Variants in ZCCHC24 observed in about 807,000 individuals in gnomAD.
ZCCHC24 encodes zinc finger CCHC domain-containing protein 24.
Under a neutral mutation model 26.2 loss-of-function variants are expected in ZCCHC24, and 10 were observed. The observed-to-expected ratio is 0.38, with a 90% CI of 0.24 to 0.65. ZCCHC24 has a LOEUF of 0.65. Ranked by LOEUF, ZCCHC24 falls within the 30% of genes least tolerant of loss-of-function variation. ZCCHC24 has a pLI of 0.54. For synonymous variants in ZCCHC24, 144 were observed against 147.1 expected (o/e 0.98, Z 0.15); for missense variants, 243 against 329.1 (o/e 0.74, Z 2.03).
intron 2 of ZCCHC24, 74 bp from the exon 3 acceptor site, chr10:79,394,514 C>T (rs767568169): frequency 1.5e-5 from 23 of 1,560,612 alleles, no homozygotes; most frequent in Non-Finnish European, 2.0e-5. Context: ...TTCCCCTGGC[C>T]TCCGCCTCAG....
chr10:79,434,919 T>A lies in ZCCHC24; in HGVS notation c.247-2161A>T, dbSNP rs138595217. On this transcript the variant is annotated intron_variant, in intron 1 of 3. Coordinates refer to ENST00000372336, the MANE Select transcript of ZCCHC24 (RefSeq NM_153367.4). ...CCGCCTACTGCAGCCCAATCTGTATTTTTCAAGCTCCCCCAGGCAATTCAG... is the reference window on the plus strand; with the variant it reads ...CCGCCTACTGCAGCCCAATCTGTATATTTCAAGCTCCCCCAGGCAATTCAG... Among the ~76,000 whole-genome samples, 11 of 152,206 alleles carry A rather than the reference T, an allele frequency of 7.2e-5. No individual in the cohort carries two copies. In the East Asian group the frequency reaches 2.1e-3, roughly 29 times the overall value.
chr10:79,387,965 A>G (rs974066811), intron 3 of ZCCHC24, among the ~76,000 whole-genome samples: 15 of 152,156 alleles, frequency 9.9e-5, no homozygotes, highest in African/African-American at 2.7e-4. Context: ...AGGCACGTCA[A>G]CCACATCACA....
intron 1 of ZCCHC24, among the ~76,000 whole-genome samples, chr10:79,441,551 G>A (rs1033671026): frequency 1.3e-5 from 2 of 152,060 alleles, no homozygotes; most frequent in Non-Finnish European, 2.9e-5. Context: ...ACACTGACAG[G>A]TGTCCTGAGC....
intron 2 of ZCCHC24, among the ~76,000 whole-genome samples, chr10:79,394,824 A>G (rs1354281701): frequency 6.6e-6 from 1 of 152,236 alleles, no homozygotes; most frequent in Non-Finnish European, 1.5e-5. Flanking sequence ...TTAAAGGGTC[A>G]TTGAAGAGGC....
rs773786492 is a variant in ZCCHC24, at chr10:79,432,618, T to C, written c.387A>G (p.Pro129=). The C allele has an allele frequency of 9.9e-6, 16 of 1,608,182 alleles. No individual in the cohort carries two copies. The South Asian group carries it at 1.8e-4, about 18-fold the overall frequency. The change falls in exon 2 of 4, where the codon CCA becomes CCG. Residue 129 remains proline, a synonymous_variant. Coordinates refer to ENST00000372336, the MANE Select transcript of ZCCHC24 (RefSeq NM_153367.4). The part of the protein sequence containing the change: ...SEARKPSKRP[P]PNYLCHLCFN... ...AGCACAGGTGGCACAGGTAGTTGGG[T>C]GGGGGCCGCTTGCTGGGCTTGCGAG...
chr10:79,394,207 T>C, intron 3 of ZCCHC24, 69 bp downstream of exon 3: 1 of 1,560,350 alleles, frequency 6.4e-7, no homozygotes, highest in Non-Finnish European at 8.7e-7. Flanking sequence ...GGGAGTAAAC[T>C]GAGGTCCGGT....
chr10:79,394,919 A>G (rs990956786), intron 2 of ZCCHC24, among the ~76,000 whole-genome samples: 6 of 152,172 alleles, frequency 3.9e-5, no homozygotes, highest in Non-Finnish European at 8.8e-5. Context: ...GAGGCAATCT[A>G]AATTCCCTCA....
Position 79,383,871 on chromosome 10 carries a change from A to C in ZCCHC24, c.*2474T>G, listed in dbSNP as rs1481856117. 6.5e-6 allele frequency: 1 copy of C among 152,744 alleles called. No individual in the cohort carries two copies. The highest frequency in any genetic ancestry group is 1.5e-5 in the Non-Finnish European group (1 of 68,040). 9.5% of individuals were successfully genotyped at this position (152,744 alleles called of 1,614,324 possible). A position where few individuals can be genotyped will look rare whatever the true frequency, so the allele number is the denominator to read the frequency against. On this transcript the variant is annotated 3_prime_UTR_variant, in exon 4 of 4. Transcript: ENST00000372336. ...CAAGTAGAACTATTGAATACTTCAT[A>C]TGGGGTAAACACCATTATCTCCCAA...
At position 79,445,461 on chromosome 10, in the gene ZCCHC24, C is replaced by T. The variant is rs1309967631; in HGVS notation, c.-21G>A. ...CTCATTTTGTGGCGGCGGTGCCGGC[C>T]CCTCCCCGGCCGCCCGCTCGCGGCC... is the stretch of plus-strand genomic sequence containing the variant. On this transcript the variant is annotated 5_prime_UTR_variant, in exon 1 of 4. Transcript: ENST00000372336. 2.2e-6 allele frequency: 3 copies of T among 1,372,208 alleles called. No homozygotes were observed. The highest frequency in any genetic ancestry group is 2.8e-6 in the Non-Finnish European group (3 of 1,054,316). The allele number at this position is 1,372,208 out of a possible 1,614,324, so 85.0% of individuals were successfully genotyped here.
At chr10:79,445,026 C>A (rs1201622000) in intron 1 of ZCCHC24, among the ~76,000 whole-genome samples, 169 bp downstream of exon 1, 6 of 152,170 alleles carry the variant, frequency 3.9e-5, no homozygotes, top group African/African-American at 1.4e-4. Context: ...ACCCCGGGGA[C>A]TTCGGGCGGC....
chr10:79,417,811 T>C (rs72820309), intron 2 of ZCCHC24, among the ~76,000 whole-genome samples: 11,317 of 152,200 alleles, frequency 0.074, 482 homozygotes, highest in East Asian at 0.17. Context: ...CTGCACCTGC[T>C]GCCCCGTTTC....
intron 1 of ZCCHC24, among the ~76,000 whole-genome samples, chr10:79,444,689 G>A (rs1857338428): frequency 6.6e-6 from 1 of 152,234 alleles, no homozygotes; most frequent in South Asian, 2.1e-4. Context: ...GCTCTCCAGG[G>A]TGCCTTTCGG....
intron 2 of ZCCHC24, among the ~76,000 whole-genome samples, chr10:79,399,897 G>A (rs549157996): frequency 7.5e-4 from 115 of 152,324 alleles, no homozygotes; most frequent in African/African-American, 2.6e-3. Flanking sequence ...GGTTGGCTGG[G>A]AGGTGGTGAG....
In ZCCHC24 at chr10:79,386,579, C is replaced by CAGACAGAGAGGCACACCTCTGCAG. The variant is rs1856401048; in HGVS notation, c.613-145_613-122dup. 11 of 704,234 alleles carry CAGACAGAGAGGCACACCTCTGCAG rather than the reference C, an allele frequency of 1.6e-5. No homozygotes were observed. In the South Asian group the frequency reaches 2.1e-4, roughly 13 times the overall value. The allele number at this position is 704,234 out of a possible 1,614,324, so 43.6% of individuals were successfully genotyped here. On this transcript the variant is annotated intron_variant, in intron 3 of 3. Transcript: ENST00000372336. ...TGAGACAGGTACACAGGGAGGGGAC[C>CAGACAGAGAGGCACACCTCTGCAG]AGACAGAGAGGCACACCTCTGCAGA...
intron 3 of ZCCHC24, among the ~76,000 whole-genome samples, chr10:79,393,292 A>G (rs1177651948): frequency 1.3e-5 from 2 of 152,276 alleles, no homozygotes; most frequent in South Asian, 2.1e-4. Context: ...CTCAAATGTA[A>G]CCTGTATCAG....
Position 79,445,619 on chromosome 10 carries a change from C to A in ZCCHC24, c.-179G>T, listed in dbSNP as rs923048764. On this transcript the variant is annotated 5_prime_UTR_variant, in exon 1 of 4. Transcript: ENST00000372336. ...CCGCTGCCGCTGCCGCCGCCTCCCC[C>A]CGACTGCGGCCCCGGCGCGCGCAGG... 3.8e-4 allele frequency: 140 copies of A among 368,084 alleles called. No individual in the cohort carries two copies. Among genetic ancestry groups the A allele is most frequent in the Non-Finnish European group, 4.6e-4 (121 of 264,446 alleles). 22.8% of individuals were successfully genotyped at this position (368,084 alleles called of 1,614,324 possible). A position where few individuals can be genotyped will look rare whatever the true frequency, so the allele number is the denominator to read the frequency against.
chr10:79,386,936 C>T (rs1856405689), intron 3 of ZCCHC24, among the ~76,000 whole-genome samples: 1 of 152,172 alleles, frequency 6.6e-6, no homozygotes, highest in Non-Finnish European at 1.5e-5. Flanking sequence ...CCCACAGCAA[C>T]GGAGGCCTGG....
intron 2 of ZCCHC24, among the ~76,000 whole-genome samples, chr10:79,415,392 G>A (rs117304669): frequency 0.016 from 2,470 of 152,300 alleles, 27 homozygotes; most frequent in Non-Finnish European, 0.027. Context: ...TTCCAGCTCT[G>A]CCTCTTGACC....
chr10:79,425,512 C>A (rs1330775663), intron 2 of ZCCHC24, among the ~76,000 whole-genome samples: 1 of 152,156 alleles, frequency 6.6e-6, no homozygotes, highest in Non-Finnish European at 1.5e-5. Context: ...TAGTGGAGAT[C>A]AAAGTCTGGA....
Sources: allele counts gnomAD v4.1 joint callset (sites outside exome capture counted in the v4.1 genomes callset), GRCh38; gene constraint gnomAD v4.1.1; transcripts MANE v1.5; gene names NCBI Gene and HGNC (gene_info 2026-07-23, HGNC 2026-07-21).